The following MBD2 variants were observed in gnomAD, a reference collection of about 807,000 sequenced individuals.
MBD2 encodes the protein methyl-CpG-binding domain protein 2.
In MBD2, 9 loss-of-function variants were observed where a neutral mutation model predicts 39.3. The observed-to-expected ratio is 0.23, with a 90% CI of 0.14 to 0.40. The LOEUF (loss-of-function observed/expected upper bound fraction) is 0.40, where lower values mean the gene tolerates loss of function less well. Ranked by LOEUF, MBD2 falls within the 10% of genes least tolerant of loss-of-function variation. The pLI, the probability that MBD2 is intolerant of heterozygous loss-of-function variation, is 1.00. For synonymous variants in MBD2, 233 were observed against 211.1 expected, an observed-to-expected ratio of 1.10 and a Z score of -0.90; for missense variants, 458 against 532.6, an observed-to-expected ratio of 0.86 and a Z score of 1.38.
At chr18:54,187,157 T>C (rs1007864178) in intron 3 of MBD2, among the ~76,000 whole-genome samples, 17 of 152,270 alleles carry the variant, frequency 1.1e-4, no homozygotes, top group African/African-American at 3.6e-4. Flanking sequence ...TGCTAATCAA[T>C]TCATCTTTAA....
At chr18:54,198,427 A>G (rs1272778325) in intron 2 of MBD2, among the ~76,000 whole-genome samples, 2 of 152,242 alleles carry the variant, frequency 1.3e-5, no homozygotes, top group Non-Finnish European at 2.9e-5. Context: ...GGAGAAATGT[A>G]CACAAGGCTG....
At chr18:54,211,684 C>T (rs2086509059) in intron 1 of MBD2, among the ~76,000 whole-genome samples, 1 of 152,132 alleles carries the variant, frequency 6.6e-6, no homozygotes, top group African/African-American at 2.4e-5. Context: ...AGGTCTAAAT[C>T]ACTATGATAA....
intron 1 of MBD2, among the ~76,000 whole-genome samples, chr18:54,207,327 T>C (rs896759147): frequency 6.6e-6 from 1 of 152,182 alleles, no homozygotes; most frequent in African/African-American, 2.4e-5. Flanking sequence ...CCAGCTAAAA[T>C]ATCCTCCACC....
chr18:54,213,235 A>G (rs2086525589), intron 1 of MBD2, among the ~76,000 whole-genome samples: 1 of 152,118 alleles, frequency 6.6e-6, no homozygotes, highest in Non-Finnish European at 1.5e-5. Flanking sequence ...ACAGCAGGAG[A>G]CGAGCATTAC....
chr18:54,193,115 A>C (rs1201986975), intron 2 of MBD2, among the ~76,000 whole-genome samples: 1 of 152,246 alleles, frequency 6.6e-6, no homozygotes, highest in Non-Finnish European at 1.5e-5. Flanking sequence ...TCAAAGAAAC[A>C]GTCAATTCTA....
At chr18:54,210,165 T>A (rs1328908689) in intron 1 of MBD2, among the ~76,000 whole-genome samples, 1 of 152,098 alleles carries the variant, frequency 6.6e-6, no homozygotes, top group Non-Finnish European at 1.5e-5. Context: ...ACCTTTAACT[T>A]CTTCTACCCA....
chr18:54,177,841 T>A (rs2086223615), intron 3 of MBD2, among the ~76,000 whole-genome samples: 1 of 142,514 alleles, frequency 7.0e-6, no homozygotes, highest in Admixed American at 7.1e-5. Flanking sequence ...TTTTTTTTTT[T>A]TTTTTTTTGA....
intron 1 of MBD2, among the ~76,000 whole-genome samples, chr18:54,214,373 T>A (rs1032719665): frequency 6.6e-6 from 1 of 152,062 alleles, no homozygotes; most frequent in African/African-American, 2.4e-5. Context: ...TTTTTAAAAA[T>A]TTTTTGTAGG....
At chr18:54,199,548 G>A (rs1458454529) in intron 2 of MBD2, among the ~76,000 whole-genome samples, 1 of 152,106 alleles carries the variant, frequency 6.6e-6, no homozygotes, top group Non-Finnish European at 1.5e-5. Flanking sequence ...GGGTCCCCAA[G>A]ATCATTTTGG....
chr18:54,194,922 C>T (rs2086353459), intron 2 of MBD2, among the ~76,000 whole-genome samples: 1 of 152,052 alleles, frequency 6.6e-6, no homozygotes, highest in Non-Finnish European at 1.5e-5. Flanking sequence ...TGTTCTCAAT[C>T]CAGTATCTCA....
At chr18:54,193,554 T>C (rs1012019999) in intron 2 of MBD2, among the ~76,000 whole-genome samples, 1 of 152,160 alleles carries the variant, frequency 6.6e-6, no homozygotes, top group Admixed American at 6.5e-5. Flanking sequence ...TTTTTAAAAA[T>C]TTTACTTCCT....
At chr18:54,194,428 C>T (rs1422944250) in intron 2 of MBD2, among the ~76,000 whole-genome samples, 5 of 151,786 alleles carry the variant, frequency 3.3e-5, no homozygotes, top group Admixed American at 6.6e-5. Flanking sequence ...CTTTCTGTGA[C>T]CATAAAGCTC....
chr18:54,212,715 G>T (rs1338950699), intron 1 of MBD2, among the ~76,000 whole-genome samples: 1 of 149,170 alleles, frequency 6.7e-6, no homozygotes, highest in African/African-American at 2.4e-5. Context: ...TCAAGACTCT[G>T]GGCAAGTCAA....
At chr18:54,206,294 C>T (rs1203616974) in intron 1 of MBD2, among the ~76,000 whole-genome samples, 1 of 152,132 alleles carries the variant, frequency 6.6e-6, no homozygotes, top group Non-Finnish European at 1.5e-5. Flanking sequence ...TCCTGTGTGG[C>T]ATTAATCTGT....
chr18:54,174,562 G>A (rs2086198362), intron 3 of MBD2, among the ~76,000 whole-genome samples: 2 of 152,194 alleles, frequency 1.3e-5, no homozygotes, highest in Non-Finnish European at 2.9e-5. Flanking sequence ...TGGAAAGTAA[G>A]ATAAAGCACA....
At position 54,224,082 on chromosome 18, in the gene MBD2, T is replaced by G; in HGVS notation, c.478A>C (p.Lys160Gln). Residue 160 changes from lysine to glutamine, a missense_variant, in exon 1 of 7, where the codon AAG becomes CAG. By Grantham distance (53) the Lys-to-Gln change is moderately conservative (BLOSUM62 1). Transcript: ENST00000256429. ...MDCPALPPGWKKEEVIRKSGL... is the reference protein window; with the variant it reads ...MDCPALPPGWQKEEVIRKSGL... Reference sequence around the variant, plus strand: ...GATTTTCGGATCACTTCCTCCTTCTTCCATCCGGGGGGGAGGGCCGGGCAA... The same window carrying G: ...GATTTTCGGATCACTTCCTCCTTCTGCCATCCGGGGGGGAGGGCCGGGCAA... 2 of 1,598,346 alleles carry G rather than the reference T, an allele frequency of 1.3e-6. No individual in the cohort carries two copies. The highest frequency in any genetic ancestry group is 1.7e-6 in the Non-Finnish European group (2 of 1,174,876).
chr18:54,207,357 G>A (rs1376359485), intron 1 of MBD2, among the ~76,000 whole-genome samples: 2 of 151,946 alleles, frequency 1.3e-5, no homozygotes, highest in South Asian at 2.1e-4. Context: ...AAGTCTTCTG[G>A]GATTCTTCAA....
chr18:54,204,636 G>GT, intron 2 of MBD2, among the ~76,000 whole-genome samples: 1 of 152,178 alleles, frequency 6.6e-6, no homozygotes, highest in East Asian at 1.9e-4. Flanking sequence ...AAATCAATAC[G>GT]TAATTATAAA....
At chr18:54,206,410 G>A (rs1478077859) in intron 1 of MBD2, among the ~76,000 whole-genome samples, 1 of 152,186 alleles carries the variant, frequency 6.6e-6, no homozygotes, top group Non-Finnish European at 1.5e-5. Flanking sequence ...CAAGAAAATT[G>A]TGAGAATTGT....
Sources: gnomAD v4.1 joint callset for allele counts (sites outside exome capture counted in the v4.1 genomes callset) on GRCh38, gnomAD v4.1.1 for gene constraint, MANE v1.5 for transcripts, NCBI Gene and HGNC (gene_info 2026-07-23, HGNC 2026-07-21) for gene names.